Variants in PLEKHA3 observed in about 807,000 individuals in gnomAD.
PLEKHA3 encodes the protein pleckstrin homology domain-containing family A member 3.
In PLEKHA3, 19 loss-of-function variants were observed where a neutral mutation model predicts 39.2. The observed-to-expected ratio is 0.48, with a 90% CI of 0.34 to 0.71. PLEKHA3 has a LOEUF of 0.71. PLEKHA3 is among the 30% of genes least tolerant of loss of function. PLEKHA3 has a pLI of 0.01. For synonymous variants in PLEKHA3, 97 were observed against 118.6 expected, an observed-to-expected ratio of 0.82 and a Z score of 1.18; for missense variants, 253 against 359.5, an observed-to-expected ratio of 0.70 and a Z score of 2.40.
In PLEKHA3 at chr2:178,515,378, A is replaced by G. The variant is rs1575151300; in HGVS notation, c.*11491A>G. 1 of 152,222 alleles carries G rather than the reference A, an allele frequency of 6.6e-6. No homozygotes were observed. Among genetic ancestry groups the G allele is most frequent in the African/African-American group, 2.4e-5 (1 of 41,548 alleles). 9.4% of individuals were successfully genotyped at this position (152,222 alleles called of 1,614,324 possible). On this transcript the variant is annotated 3_prime_UTR_variant, in exon 8 of 8. Transcript: ENST00000234453. ...TTCTAAGAGCTTTCCAATGTTGTCT[A>G]TAATTAGCCAAAAAAAGACATATGA...
chr2:178,508,224 G>C lies in PLEKHA3; in HGVS notation c.*4337G>C, dbSNP rs917161383. ...CTTTTTCTCTCTAGTTGTTCCTTAA[G>C]TTATATTATCTTTGTTCTTTTTGTT... On this transcript the variant is annotated 3_prime_UTR_variant, in exon 8 of 8. Transcript: ENST00000234453. The C allele has an allele frequency of 2.5e-4, 38 of 153,210 alleles. No homozygotes were observed. The highest frequency in any genetic ancestry group is 8.7e-4 in the African/African-American group (36 of 41,444). The allele number at this position is 153,210 out of a possible 1,614,324, so 9.5% of individuals were successfully genotyped here. A position where few individuals can be genotyped will look rare whatever the true frequency, so the allele number is the denominator to read the frequency against.
At chr2:178,497,205 A>C in intron 5 of PLEKHA3, among the ~76,000 whole-genome samples, 1 of 150,586 alleles carries the variant, frequency 6.6e-6, no homozygotes, top group East Asian at 1.9e-4. Flanking sequence ...CAAATAAAAT[A>C]AATATATATA....
Position 178,510,565 on chromosome 2 carries a change from G to A in PLEKHA3, c.*6678G>A, listed in dbSNP as rs2154128253. The A allele has an allele frequency of 6.5e-6, 1 of 153,894 alleles. No homozygotes were observed. Among genetic ancestry groups the A allele is most frequent in the East Asian group, 1.9e-4 (1 of 5,176 alleles). The allele number at this position is 153,894 out of a possible 1,614,324, so 9.5% of individuals were successfully genotyped here. On this transcript the variant is annotated 3_prime_UTR_variant, in exon 8 of 8. Coordinates refer to ENST00000234453, the MANE Select transcript of PLEKHA3 (RefSeq NM_019091.4). Reference sequence around the variant, plus strand: ...GAATAGATTAATGCCGCCGTGTAAAGGGCTTGTGGGCGTGGGTGAACACTC... The same window carrying A: ...GAATAGATTAATGCCGCCGTGTAAAAGGCTTGTGGGCGTGGGTGAACACTC...
chr2:178,490,565 T>C (rs1244473148), intron 2 of PLEKHA3, 94 bp from the exon 3 acceptor site: 1 of 1,263,438 alleles, frequency 7.9e-7, no homozygotes. Flanking sequence ...TTTTGGTATA[T>C]GAAGCATCTG....
chr2:178,487,555 C>T (rs1338037414), intron 2 of PLEKHA3, among the ~76,000 whole-genome samples: 1 of 152,064 alleles, frequency 6.6e-6, no homozygotes, highest in Non-Finnish European at 1.5e-5. Flanking sequence ...CCTCCTACCT[C>T]AGCCTCCTGA....
At position 178,493,958 on chromosome 2, in the gene PLEKHA3, A is replaced by G. The variant is rs1685399855; in HGVS notation, c.419A>G (p.His140Arg). The change falls in exon 4 of 8, where the codon CAT becomes CGT. Residue 140 changes from histidine (H) to arginine (R), a missense_variant. Transcript: ENST00000234453. ...QVHTIQEFVH[H>R]DENHSSPSAE... ...CATACAATACAGGAATTTGTTCACC[A>G]TGATGAGAATCATTCATCTCCTAGT... 6.2e-7 allele frequency: 1 copy of G among 1,614,112 alleles called. No individual in the cohort carries two copies. The highest frequency in any genetic ancestry group is 8.5e-7 in the Non-Finnish European group (1 of 1,179,988).
intron 1 of PLEKHA3, chr2:178,481,826 C>G (rs1197180472): frequency 2.2e-5 from 3 of 134,238 alleles, no homozygotes; most frequent in Non-Finnish European, 4.7e-5. Flanking sequence ...TAAATTTGAA[C>G]AGTAAACAGA....
chr2:178,494,082 AT>A, intron 4 of PLEKHA3, 93 bp downstream of exon 4: 4 of 1,419,748 alleles, frequency 2.8e-6, no homozygotes, highest in Non-Finnish European at 3.8e-6. Context: ...GCATTTTCAC[AT>A]TGAGTTATTT....
At chr2:178,490,572 T>C in intron 2 of PLEKHA3, 87 bp from the exon 3 acceptor site, 1 of 1,369,220 alleles carries the variant, frequency 7.3e-7, no homozygotes, top group African/African-American at 1.4e-5. Flanking sequence ...ATATGAAGCA[T>C]CTGATACTGT....
In PLEKHA3 at chr2:178,501,176, A is replaced by T; in HGVS notation, c.775A>T (p.Arg259Ter). ...CSDIPLEDPD[R>*]PVHCSKNTLN... ...TGATATTCCTCTTGAAGACCCAGATAGTAAGTGACATAGATTCTGTCTCTT... is the reference window on the plus strand; with the variant it reads ...TGATATTCCTCTTGAAGACCCAGATTGTAAGTGACATAGATTCTGTCTCTT... Residue 259 changes from arginine to a stop codon, truncating the protein, a stop_gained and splice_region_variant, in exon 7 of 8, where the codon AGA becomes TGA. Coordinates refer to ENST00000234453, the MANE Select transcript of PLEKHA3 (RefSeq NM_019091.4). LOFTEE classifies it high-confidence loss of function. 6.2e-7 allele frequency: 1 copy of T among 1,602,482 alleles called. No individual in the cohort carries two copies. Among genetic ancestry groups the T allele is most frequent in the Non-Finnish European group, 8.5e-7 (1 of 1,171,470 alleles).
Position 178,507,637 on chromosome 2 carries a change from T to C in PLEKHA3, c.*3750T>C, listed in dbSNP as rs1685623634. ...TCAGCAGTCATTCTGAAACTCCCTT[T>C]AGTTTTTAGTCTCACATTAGGTTTT... On this transcript the variant is annotated 3_prime_UTR_variant, in exon 8 of 8. Transcript: ENST00000234453. The C allele has an allele frequency of 6.7e-6, 1 of 150,036 alleles. No individual in the cohort carries two copies. The highest frequency in any genetic ancestry group is 2.4e-5 in the African/African-American group (1 of 40,900). The allele number at this position is 150,036 out of a possible 1,614,324, so 9.3% of individuals were successfully genotyped here.
At position 178,505,257 on chromosome 2, in the gene PLEKHA3, G is replaced by C. The variant is rs1247847856; in HGVS notation, c.*1370G>C. 1 of 151,886 alleles carries C rather than the reference G, an allele frequency of 6.6e-6. No individual in the cohort carries two copies. Among genetic ancestry groups the C allele is most frequent in the Non-Finnish European group, 1.5e-5 (1 of 67,830 alleles). 9.4% of individuals were successfully genotyped at this position (151,886 alleles called of 1,614,324 possible). A position where few individuals can be genotyped will look rare whatever the true frequency, so the allele number is the denominator to read the frequency against. ...CATTTTATTTCAATTTATCTTGTAAGTTTATGTGGGATATTTTAAAATAAT... is the reference window on the plus strand; with the variant it reads ...CATTTTATTTCAATTTATCTTGTAACTTTATGTGGGATATTTTAAAATAAT... On this transcript the variant is annotated 3_prime_UTR_variant, in exon 8 of 8. Transcript: ENST00000234453.
chr2:178,507,629 A>G lies in PLEKHA3; in HGVS notation c.*3742A>G, dbSNP rs1031412179. ...TCTATGGTTCAGCAGTCATTCTGAA[A>G]CTCCCTTTAGTTTTTAGTCTCACAT... On this transcript the variant is annotated 3_prime_UTR_variant, in exon 8 of 8. Transcript: ENST00000234453. 1 of 115,942 alleles carries G rather than the reference A, an allele frequency of 8.6e-6. No individual in the cohort carries two copies. Among genetic ancestry groups the G allele is most frequent in the African/African-American group, 3.4e-5 (1 of 29,792 alleles). The allele number at this position is 115,942 out of a possible 1,614,324, so 7.2% of individuals were successfully genotyped here.
rs187235297 is a variant in PLEKHA3 at position 178,508,741 on chromosome 2, T to G, written c.*4854T>G. 3 of 153,852 alleles carry G rather than the reference T, an allele frequency of 1.9e-5. No homozygotes were observed. In the East Asian group the frequency reaches 5.8e-4, roughly 30 times the overall value. The allele number at this position is 153,852 out of a possible 1,614,324, so 9.5% of individuals were successfully genotyped here. A position where few individuals can be genotyped will look rare whatever the true frequency, so the allele number is the denominator to read the frequency against. On this transcript the variant is annotated 3_prime_UTR_variant, in exon 8 of 8. Coordinates refer to ENST00000234453, the MANE Select transcript of PLEKHA3 (RefSeq NM_019091.4). Reference sequence around the variant, plus strand: ...CAAGATTTGTATGATGACTTTTACTTAATCCCTCTATCTTCATCCTCTCTC... The same window carrying G: ...CAAGATTTGTATGATGACTTTTACTGAATCCCTCTATCTTCATCCTCTCTC...
intron 6 of PLEKHA3, among the ~76,000 whole-genome samples, chr2:178,500,194 A>G (rs1480750495): frequency 6.6e-6 from 1 of 152,038 alleles, no homozygotes; most frequent in Non-Finnish European, 1.5e-5. Flanking sequence ...TGACATTGGC[A>G]TTTATTTCTC....
chr2:178,481,010 A>T (rs1201280148), intron 1 of PLEKHA3, 101 bp downstream of exon 1: 1 of 1,118,930 alleles, frequency 8.9e-7, no homozygotes, highest in Non-Finnish European at 1.2e-6. Flanking sequence ...GCGGACCCTC[A>T]GAGCGAATTC....
At chr2:178,491,667 A>C (rs964653262) in intron 3 of PLEKHA3, among the ~76,000 whole-genome samples, 8 of 152,200 alleles carry the variant, frequency 5.3e-5, no homozygotes, top group African/African-American at 1.9e-4. Context: ...GAAAATGACA[A>C]TTTCTTGATA....
chr2:178,489,807 A>C (rs184637381), intron 2 of PLEKHA3, among the ~76,000 whole-genome samples: 1 of 152,168 alleles, frequency 6.6e-6, no homozygotes, highest in South Asian at 2.1e-4. Context: ...GCCTTTTTAA[A>C]TTACTTTCTC....
rs1685736672 is a variant in PLEKHA3 at position 178,514,782 on chromosome 2, C to T, written c.*10895C>T. Reference sequence around the variant, plus strand: ...TTGTGTTTTGATCACCCTTAGTCATCACTGGAGAGAAGAGTTTGAATTCAT... The same window carrying T: ...TTGTGTTTTGATCACCCTTAGTCATTACTGGAGAGAAGAGTTTGAATTCAT... On this transcript the variant is annotated 3_prime_UTR_variant, in exon 8 of 8. Coordinates refer to ENST00000234453, the MANE Select transcript of PLEKHA3 (RefSeq NM_019091.4). The T allele has an allele frequency of 6.6e-6, 1 of 151,802 alleles. No individual in the cohort carries two copies. The highest frequency in any genetic ancestry group is 2.1e-4 in the South Asian group (1 of 4,820). The allele number at this position is 151,802 out of a possible 1,614,324, so 9.4% of individuals were successfully genotyped here.
Sources: allele counts gnomAD v4.1 joint callset (sites outside exome capture counted in the v4.1 genomes callset), GRCh38; gene constraint gnomAD v4.1.1; transcripts MANE v1.5; gene names NCBI Gene and HGNC (gene_info 2026-07-23, HGNC 2026-07-21).